Variants in SNCB observed in about 807,000 individuals in gnomAD.
The protein encoded by SNCB is beta-synuclein.
In SNCB, 8 loss-of-function variants were observed where a neutral mutation model predicts 20.0. The ratio of observed to expected loss-of-function variants is 0.40; its 90% CI spans 0.24 to 0.72. SNCB has a LOEUF of 0.72. Ranked by LOEUF, SNCB falls within the 30% of genes least tolerant of loss-of-function variation. The pLI, the probability that SNCB is intolerant of heterozygous loss-of-function variation, is 0.37. For synonymous variants in SNCB, 56 were observed against 65.4 expected (o/e 0.86, Z 0.69); for missense variants, 125 against 168.0 (o/e 0.74, Z 1.41).
intron 4 of SNCB, among the ~76,000 whole-genome samples, chr5:176,624,566 C>T (rs1202256030): frequency 1.4e-4 from 21 of 151,986 alleles, no homozygotes; most frequent in Non-Finnish European, 2.4e-4. Flanking sequence ...TCTGGGAGGC[C>T]GAGGCAGGTG....
rs368173163 is a variant in SNCB at position 176,621,869 on chromosome 5, C to A, written c.283-566G>T. On this transcript the variant is annotated intron_variant, in intron 4 of 5. Transcript: ENST00000393693. The surrounding 1 kb of genome is among the most constrained non-coding windows in gnomAD (Gnocchi z 4.1). Reference sequence around the variant, plus strand: ...CTAAGACTCTCCCCCCCACCCGCTGCGTCTGCTGCCCAGACAGGCGCAGAC... The same window carrying A: ...CTAAGACTCTCCCCCCCACCCGCTGAGTCTGCTGCCCAGACAGGCGCAGAC... Among the ~76,000 whole-genome samples, 373 of 152,356 alleles carry A rather than the reference C, an allele frequency of 2.4e-3. 2 individuals are homozygous for A. Among genetic ancestry groups the A allele is most frequent in the African/African-American group, 8.7e-3 (361 of 41,588 alleles).
Position 176,626,604 on chromosome 5 carries a change from C to T in SNCB, c.164-88G>A. ...CTTGTAGTATCCCAGGGCCTGCCCT[C>T]CCCACGGAGCATTCCCGCAGAAGCC... On this transcript the variant is annotated intron_variant, in intron 3 of 5. Transcript: ENST00000393693. This position sits in a 1 kb window ranked among gnomAD's most constrained non-coding sequence, Gnocchi z 4.2. 6.6e-7 allele frequency: 1 copy of T among 1,508,946 alleles called. No individual in the cohort carries two copies. The highest frequency in any genetic ancestry group is 9.2e-7 in the Non-Finnish European group (1 of 1,084,410). The allele number at this position is 1,508,946 out of a possible 1,614,324, so 93.5% of individuals were successfully genotyped here.
At chr5:176,624,022 T>A (rs1759776380) in intron 4 of SNCB, among the ~76,000 whole-genome samples, 1 of 152,034 alleles carries the variant, frequency 6.6e-6, no homozygotes. Context: ...CCTGCATGAG[T>A]CCCCCATGCC....
At chr5:176,625,344 A>G (rs1759875015) in intron 4 of SNCB, among the ~76,000 whole-genome samples, 1 of 152,236 alleles carries the variant, frequency 6.6e-6, no homozygotes, top group Non-Finnish European at 1.5e-5. Flanking sequence ...GACCTACTGA[A>G]TCAGAAATTC....
Position 176,629,897 on chromosome 5 carries a change from T to C in SNCB, c.-9-234A>G. On this transcript the variant is annotated intron_variant, in intron 1 of 5. Coordinates refer to ENST00000393693, the MANE Select transcript of SNCB (RefSeq NM_003085.5). This position sits in a 1 kb window ranked among gnomAD's most constrained non-coding sequence, Gnocchi z 4.1. The stretch of plus-strand genomic sequence containing the variant: ...GCGGGAGGGGCCACTGCCTCGGTTA[T>C]CCGGGCCCTGCAAACTGCAGCCCCG... The C allele has an allele frequency of 1.9e-6, 1 of 516,664 alleles. No individual in the cohort carries two copies. Among genetic ancestry groups the C allele is most frequent in the Non-Finnish European group, 3.3e-6 (1 of 300,454 alleles). The allele number at this position is 516,664 out of a possible 1,614,324, so 32.0% of individuals were successfully genotyped here.
At position 176,620,570 on chromosome 5, in the gene SNCB, C is replaced by A; in HGVS notation, c.*241G>T. ...AGACGCTGGATGGGAGGAGGCAACA[C>A]TGGAGGGGCGAGGCTCCCAGCCGCG... On this transcript the variant is annotated 3_prime_UTR_variant, in exon 6 of 6. Transcript: ENST00000393693. The surrounding 1 kb of genome is among the most constrained non-coding windows in gnomAD (Gnocchi z 4.5). 1 of 596,468 alleles carries A rather than the reference C, an allele frequency of 1.7e-6. No individual in the cohort carries two copies. The highest frequency in any genetic ancestry group is 3.0e-6 in the Non-Finnish European group (1 of 334,392). The allele number at this position is 596,468 out of a possible 1,614,324, so 36.9% of individuals were successfully genotyped here. A position where few individuals can be genotyped will look rare whatever the true frequency, so the allele number is the denominator to read the frequency against.
chr5:176,626,824 A>G lies in SNCB; in HGVS notation c.122-63T>C. 4 of 1,577,326 alleles carry G rather than the reference A, an allele frequency of 2.5e-6. No homozygotes were observed. The Admixed American group carries it at 6.7e-5, about 26-fold the overall frequency. The stretch of plus-strand genomic sequence containing the variant: ...GCTGAGGGAACAGAAACTCCAGCAC[A>G]GCATGGTGATTACAGAGTGGGCATC... On this transcript the variant is annotated intron_variant, in intron 2 of 5. Transcript: ENST00000393693. This position sits in a 1 kb window ranked among gnomAD's most constrained non-coding sequence, Gnocchi z 4.2.
chr5:176,621,728 C>T lies in SNCB; in HGVS notation c.283-425G>A, dbSNP rs1358583582. On this transcript the variant is annotated intron_variant, in intron 4 of 5. Coordinates refer to ENST00000393693, the MANE Select transcript of SNCB (RefSeq NM_003085.5). This position sits in a 1 kb window ranked among gnomAD's most constrained non-coding sequence, Gnocchi z 4.1. ...GCTGGGCAGGGGCTCTGAGCCATTC[C>T]CCCGCCACCTTCCACTCATCCCTCC... Among the ~76,000 whole-genome samples the T allele has an allele frequency of 1.3e-5, 2 of 152,206 alleles. No individual in the cohort carries two copies. Among genetic ancestry groups the T allele is most frequent in the Admixed American group, 1.3e-4 (2 of 15,290 alleles).
rs1479513723 is a variant in SNCB at position 176,620,700 on chromosome 5, GAAGGAA to G, written c.*105_*110del. The G allele has an allele frequency of 1.5e-5, 12 of 824,854 alleles. No individual in the cohort carries two copies. The African/African-American group carries it at 2.0e-4, about 14-fold the overall frequency. The allele number at this position is 824,854 out of a possible 1,614,324, so 51.1% of individuals were successfully genotyped here. A position where few individuals can be genotyped will look rare whatever the true frequency, so the allele number is the denominator to read the frequency against. On this transcript the variant is annotated 3_prime_UTR_variant, in exon 6 of 6. Transcript: ENST00000393693. The surrounding 1 kb of genome is among the most constrained non-coding windows in gnomAD (Gnocchi z 4.5). ...GCTCCGAGGGGGTTGCCTCAGAGCG[GAAGGAA>G]GATCTCGTGATTGGGGAGAAGGAGT...
intron 4 of SNCB, among the ~76,000 whole-genome samples, chr5:176,625,804 G>C (rs1423875468): frequency 6.6e-6 from 1 of 152,152 alleles, no homozygotes; most frequent in Non-Finnish European, 1.5e-5. Flanking sequence ...ACATCTCAAG[G>C]CTGCCTCTCT....
chr5:176,626,465 G>A lies in SNCB; in HGVS notation c.215C>T (p.Ser72Phe), dbSNP rs1340051870. 1.2e-6 allele frequency: 2 copies of A among 1,614,130 alleles called. No individual in the cohort carries two copies. The highest frequency in any genetic ancestry group is 1.1e-5 in the South Asian group (1 of 91,086). Reference sequence around the variant, plus strand: ...GGCTGCTGCGATGTTCCCTGCCCCAGAGAACACAGCTCCTCCCAGATGTGA... The same window carrying A: ...GGCTGCTGCGATGTTCCCTGCCCCAAAGAACACAGCTCCTCCCAGATGTGA... ...QASHLGGAVFSGAGNIAAATG... is the reference protein window; with the variant it reads ...QASHLGGAVFFGAGNIAAATG... The change falls in exon 4 of 6, where the codon TCT becomes TTT. Residue 72 changes from serine (S) to phenylalanine (F), a missense_variant. Transcript: ENST00000393693. This position sits in a 1 kb window ranked among gnomAD's most constrained non-coding sequence, Gnocchi z 4.2.
intron 1 of SNCB, 37 bp downstream of exon 1, chr5:176,630,243 C>T (rs1760295180): frequency 6.6e-6 from 1 of 152,352 alleles, no homozygotes; most frequent in African/African-American, 2.4e-5. Context: ...TCTCCATCCT[C>T]ATCCCGTTCC....
Position 176,626,676 on chromosome 5 carries a change from C to T in SNCB, c.163+44G>A. 1 of 1,609,514 alleles carries T rather than the reference C, an allele frequency of 6.2e-7. No individual in the cohort carries two copies. Among genetic ancestry groups the T allele is most frequent in the Non-Finnish European group, 8.5e-7 (1 of 1,175,888 alleles). On this transcript the variant is annotated intron_variant, in intron 3 of 5. Coordinates refer to ENST00000393693, the MANE Select transcript of SNCB (RefSeq NM_003085.5). The surrounding 1 kb of genome is among the most constrained non-coding windows in gnomAD (Gnocchi z 4.2). ...GCCCTCTGGTTCCCGGCCAGATCAT[C>T]CGCCTAAGTGAGAGAAGGGCTGGTG...
Position 176,620,866 on chromosome 5 carries a change from G to A in SNCB, c.373-23C>T. The stretch of plus-strand genomic sequence containing the variant: ...CTCCTGCATCACCGGGATGGGGGTG[G>A]AGTAGAGAAGAGCAAAAAGGAGGAG... On this transcript the variant is annotated intron_variant, in intron 5 of 5. Transcript: ENST00000393693. The surrounding 1 kb of genome is among the most constrained non-coding windows in gnomAD (Gnocchi z 4.5). 6.2e-7 allele frequency: 1 copy of A among 1,610,922 alleles called. No homozygotes were observed. Among genetic ancestry groups the A allele is most frequent in the Non-Finnish European group, 8.5e-7 (1 of 1,177,172 alleles).
rs146682703 is a variant in SNCB at position 176,625,544 on chromosome 5, G to A, written c.282+854C>T. ...CCCAGGGTCACACAGCCAGGAAGTA[G>A]TGGAGTTAGGATTCAAACCCAGCTG... On this transcript the variant is annotated intron_variant, in intron 4 of 5. Coordinates refer to ENST00000393693, the MANE Select transcript of SNCB (RefSeq NM_003085.5). Among the ~76,000 whole-genome samples the A allele has an allele frequency of 5.4e-3, 827 of 152,364 alleles. 12 individuals are homozygous for A. The highest frequency in any genetic ancestry group is 0.019 in the African/African-American group (789 of 41,578).
Position 176,629,737 on chromosome 5 carries a change from A to T in SNCB, c.-9-74T>A. On this transcript the variant is annotated intron_variant, in intron 1 of 5. Coordinates refer to ENST00000393693, the MANE Select transcript of SNCB (RefSeq NM_003085.5). This position sits in a 1 kb window ranked among gnomAD's most constrained non-coding sequence, Gnocchi z 4.1. ...CCCCAGCCCCTCCCGCGGGACGCAG[A>T]TGCCCCCCTACTCCCGAGACCGCGG... The T allele has an allele frequency of 6.5e-7, 1 of 1,549,450 alleles. No individual in the cohort carries two copies. The highest frequency in any genetic ancestry group is 8.7e-7 in the Non-Finnish European group (1 of 1,143,932).
In SNCB at chr5:176,626,881, C is replaced by T; in HGVS notation, c.122-120G>A. 1 of 1,004,206 alleles carries T rather than the reference C, an allele frequency of 1.0e-6. No homozygotes were observed. Among genetic ancestry groups the T allele is most frequent in the Non-Finnish European group, 1.6e-6 (1 of 633,228 alleles). 62.2% of individuals were successfully genotyped at this position (1,004,206 alleles called of 1,614,324 possible). On this transcript the variant is annotated intron_variant, in intron 2 of 5. Coordinates refer to ENST00000393693, the MANE Select transcript of SNCB (RefSeq NM_003085.5). The surrounding 1 kb of genome is among the most constrained non-coding windows in gnomAD (Gnocchi z 4.2). ...CCGTCACTGCCTCCTTGGGTCCCCA[C>T]ATCCTACAACCTGCACCCCCATGTT... is the stretch of plus-strand genomic sequence containing the variant.
At chr5:176,622,872 G>A (rs1263490115) in intron 4 of SNCB, among the ~76,000 whole-genome samples, 1 of 151,736 alleles carries the variant, frequency 6.6e-6, no homozygotes, top group African/African-American at 2.4e-5. Context: ...AAGTAGCTGG[G>A]ATTACAGGCA....
Position 176,630,439 on chromosome 5 carries a change from G to A in SNCB, c.-169C>T, listed in dbSNP as rs939827236. ...CCTGAGCAGGAGCGCAGCAGTGCCC[G>A]GGTCTCGGGTGCGTAGCCAGCCACC... is the stretch of plus-strand genomic sequence containing the variant. On this transcript the variant is annotated 5_prime_UTR_variant, in exon 1 of 6. Coordinates refer to ENST00000393693, the MANE Select transcript of SNCB (RefSeq NM_003085.5). 1 of 152,558 alleles carries A rather than the reference G, an allele frequency of 6.6e-6. No homozygotes were observed. Among genetic ancestry groups the A allele is most frequent in the South Asian group, 2.0e-4 (1 of 5,008 alleles). The allele number at this position is 152,558 out of a possible 1,614,324, so 9.5% of individuals were successfully genotyped here. A position where few individuals can be genotyped will look rare whatever the true frequency, so the allele number is the denominator to read the frequency against.
Sources: allele counts gnomAD v4.1 joint callset (sites outside exome capture counted in the v4.1 genomes callset), GRCh38; gene constraint gnomAD v4.1.1; non-coding constraint Gnocchi (gnomAD v3.1); transcripts MANE v1.5; gene names NCBI Gene and HGNC (gene_info 2026-07-23, HGNC 2026-07-21).